Variants in EFHC1 observed in about 807,000 individuals in gnomAD.
EFHC1 encodes EF-hand domain-containing protein 1.
A neutral mutation model predicts 69.9 loss-of-function variants in EFHC1; 53 were observed. The observed-to-expected ratio is 0.76, with a 90% CI of 0.61 to 0.95. The LOEUF is 0.95. Ranked by LOEUF, EFHC1 falls within the 40% of genes least tolerant of loss-of-function variation. The pLI is 0.00. For synonymous variants in EFHC1, 256 were observed against 278.4 expected (o/e 0.92, Z 0.80); for missense variants, 739 against 798.7 (o/e 0.93, Z 0.90).
At chr6:52,476,581 A>T (rs754446963) in intron 7 of EFHC1, among the ~76,000 whole-genome samples, 3 of 152,262 alleles carry the variant, frequency 2.0e-5, no homozygotes, top group African/African-American at 7.2e-5. Context: ...AGTGTTATCC[A>T]TAATAAGATA....
At position 52,495,157 on chromosome 6, in the gene EFHC1, T is replaced by G; in HGVS notation, c.*2816T>G. On this transcript the variant is annotated 3_prime_UTR_variant, in exon 11 of 11. Transcript: ENST00000371068. ...TTTCAGGCTGACACACCTTCCAGGG[T>G]GTGCACTCTCGCCATGTTCTCACCC... 1 of 454,040 alleles carries G rather than the reference T, an allele frequency of 2.2e-6. No homozygotes were observed. The highest frequency in any genetic ancestry group is 4.4e-6 in the Non-Finnish European group (1 of 226,778). The allele number at this position is 454,040 out of a possible 1,614,324, so 28.1% of individuals were successfully genotyped here. A position where few individuals can be genotyped will look rare whatever the true frequency, so the allele number is the denominator to read the frequency against.
At chr6:52,432,451 C>T (rs893935211) in intron 2 of EFHC1, among the ~76,000 whole-genome samples, 3 of 152,080 alleles carry the variant, frequency 2.0e-5, no homozygotes, top group Admixed American at 1.3e-4. Flanking sequence ...TGTATCTTTC[C>T]TTCATTTATG....
intron 5 of EFHC1, among the ~76,000 whole-genome samples, chr6:52,454,559 T>G (rs566568402): frequency 6.6e-6 from 1 of 152,326 alleles, no homozygotes; most frequent in African/African-American, 2.4e-5. Flanking sequence ...GTTTCTGAAC[T>G]GAAACAATTT....
chr6:52,449,371 A>G (rs1764865373), intron 3 of EFHC1, among the ~76,000 whole-genome samples: 1 of 143,358 alleles, frequency 7.0e-6, no homozygotes, highest in African/African-American at 2.8e-5. Flanking sequence ...ACAGAGCAAG[A>G]CTCCATCTCA....
At position 52,496,871 on chromosome 6, in the gene EFHC1, C is replaced by CT. The variant is rs1259998856; in HGVS notation, c.*4534dup. On this transcript the variant is annotated 3_prime_UTR_variant, in exon 11 of 11. Transcript: ENST00000371068. ...AACTGCCACCTGTAACTGCACTCAT[C>CT]TTTTGAGATCTTTTTCCAAAGAAAG... is the stretch of plus-strand genomic sequence containing the variant. 1 of 152,198 alleles carries CT rather than the reference C, an allele frequency of 6.6e-6. No homozygotes were observed. The highest frequency in any genetic ancestry group is 1.5e-5 in the Non-Finnish European group (1 of 68,048). 9.4% of individuals were successfully genotyped at this position (152,198 alleles called of 1,614,324 possible).
intron 10 of EFHC1, 73 bp downstream of exon 10, chr6:52,490,423 G>A (rs1228399999): frequency 3.7e-6 from 5 of 1,333,528 alleles, no homozygotes; most frequent in African/African-American, 2.9e-5. Context: ...AGGCAATTGT[G>A]TGTGTATTTC....
At chr6:52,426,389 C>CTTCT (rs955457094) in intron 2 of EFHC1, among the ~76,000 whole-genome samples, 1 of 152,082 alleles carries the variant, frequency 6.6e-6, no homozygotes, top group African/African-American at 2.4e-5. Flanking sequence ...CATTTTCCTC[C>CTTCT]TTCTTTCTAT....
At chr6:52,484,383 AT>A (rs1765744052) in intron 9 of EFHC1, 1 of 152,232 alleles carries the variant, frequency 6.6e-6, no homozygotes, top group Admixed American at 6.5e-5. Flanking sequence ...CGATAAACCC[AT>A]TTCATGTCAA....
At chr6:52,440,302 G>A (rs1027947333) in intron 3 of EFHC1, among the ~76,000 whole-genome samples, 2 of 151,966 alleles carry the variant, frequency 1.3e-5, no homozygotes, top group Non-Finnish European at 2.9e-5. Flanking sequence ...ACACCCAACA[G>A]CACTATAACT....
At chr6:52,462,118 A>G (rs899512857) in intron 5 of EFHC1, among the ~76,000 whole-genome samples, 1 of 151,884 alleles carries the variant, frequency 6.6e-6, no homozygotes, top group African/African-American at 2.4e-5. Context: ...CCAACACCCA[A>G]TTTTCAACAA....
intron 2 of EFHC1, among the ~76,000 whole-genome samples, chr6:52,427,941 AC>A (rs1764335971): frequency 6.6e-6 from 1 of 152,030 alleles, no homozygotes. Flanking sequence ...GAGTTAGAAG[AC>A]CTGGATTCTA....
intron 6 of EFHC1, chr6:52,469,125 G>T (rs1177019245): frequency 1.7e-6 from 1 of 597,826 alleles, no homozygotes; most frequent in African/African-American, 1.9e-5. Flanking sequence ...AGCATCATCA[G>T]TTACTTCTGT....
At chr6:52,470,161 A>G (rs1372475611) in intron 7 of EFHC1, among the ~76,000 whole-genome samples, 1 of 152,194 alleles carries the variant, frequency 6.6e-6, no homozygotes, top group Non-Finnish European at 1.5e-5. Flanking sequence ...GTGACTTTTC[A>G]AACTATATAC....
intron 3 of EFHC1, among the ~76,000 whole-genome samples, chr6:52,448,227 G>A (rs1235484762): frequency 3.3e-5 from 5 of 152,198 alleles, no homozygotes; most frequent in Admixed American, 6.5e-5. Context: ...CACCCAGTTC[G>A]AGCTTCCCAG....
At chr6:52,429,373 G>C (rs1764369770) in intron 2 of EFHC1, among the ~76,000 whole-genome samples, 1 of 152,114 alleles carries the variant, frequency 6.6e-6, no homozygotes, top group South Asian at 2.1e-4. Context: ...TTTTATATAA[G>C]GTGAGAGATG....
At chr6:52,478,909 T>A in intron 7 of EFHC1, 128 bp from the exon 8 acceptor site, 1 of 866,962 alleles carries the variant, frequency 1.2e-6, no homozygotes, top group South Asian at 1.5e-5. Flanking sequence ...CCATAGATGG[T>A]TTGTTTATAT....
rs907394290 is a variant in EFHC1 at position 52,493,086 on chromosome 6, G to A, written c.*745G>A. Reference sequence around the variant, plus strand: ...AAGGCTGACCTTTCCCCAGGTAAGAGAATTCCTCCTGCCTGACTGGCTTCA... The same window carrying A: ...AAGGCTGACCTTTCCCCAGGTAAGAAAATTCCTCCTGCCTGACTGGCTTCA... On this transcript the variant is annotated 3_prime_UTR_variant, in exon 11 of 11. Transcript: ENST00000371068. 28 of 453,932 alleles carry A rather than the reference G, an allele frequency of 6.2e-5. No individual in the cohort carries two copies. Among genetic ancestry groups the A allele is most frequent in the African/African-American group, 5.4e-4 (27 of 49,974 alleles). The allele number at this position is 453,932 out of a possible 1,614,324, so 28.1% of individuals were successfully genotyped here.
Position 52,450,376 on chromosome 6 carries a change from A to G in EFHC1, c.574-2312A>G, listed in dbSNP as rs141805253. On this transcript the variant is annotated intron_variant, in intron 3 of 10. Transcript: ENST00000371068. ...ATATCTTTGTTAATTTTCTGCCTCAATGATCTGTTTAATACTGTCAGGGAA... is the reference window on the plus strand; with the variant it reads ...ATATCTTTGTTAATTTTCTGCCTCAGTGATCTGTTTAATACTGTCAGGGAA... Among the ~76,000 whole-genome samples the G allele has an allele frequency of 2.0e-4, 30 of 152,310 alleles. 1 individual carries two copies. Among genetic ancestry groups the G allele is most frequent in the Admixed American group, 1.2e-3 (18 of 15,302 alleles).
At position 52,452,918 on chromosome 6, in the gene EFHC1, T is replaced by C. The variant is rs1213510651; in HGVS notation, c.723+81T>C. The C allele has an allele frequency of 3.1e-6, 5 of 1,606,466 alleles. No homozygotes were observed. In the South Asian group the frequency reaches 4.4e-5, roughly 14 times the overall value. On this transcript the variant is annotated intron_variant, in intron 4 of 10. Coordinates refer to ENST00000371068, the MANE Select transcript of EFHC1 (RefSeq NM_018100.4). ...TATTGGCAAAAGGTTTGGGTAGCTG[T>C]ATTGGTAACTATTTTGAAACATTAC...
Sources: gnomAD v4.1 joint callset for allele counts (sites outside exome capture counted in the v4.1 genomes callset) on GRCh38, gnomAD v4.1.1 for gene constraint, MANE v1.5 for transcripts, NCBI Gene and HGNC (gene_info 2026-07-23, HGNC 2026-07-21) for gene names.